The following TSHZ2 variants were observed in gnomAD, a reference collection of about 807,000 sequenced individuals.
TSHZ2 encodes the protein teashirt homolog 2.
In TSHZ2, 21 loss-of-function variants were observed where a neutral mutation model predicts 74.4. The ratio of observed to expected loss-of-function variants is 0.28; its 90% CI spans 0.20 to 0.41. TSHZ2 has a LOEUF of 0.41. Among genes scored for constraint, TSHZ2 ranks in the 10% least tolerant of loss-of-function variants. The probability of loss-of-function intolerance (pLI) is 1.00; values close to 1 mark genes in which losing one functional copy is unlikely to be tolerated. For missense variants in TSHZ2, 1,244 were observed against 1,293.5 expected, an observed-to-expected ratio of 0.96 and a Z score of 0.59; for synonymous variants, 540 against 515.3, an observed-to-expected ratio of 1.05 and a Z score of -0.65.
intron 1 of TSHZ2, among the ~76,000 whole-genome samples, chr20:52,981,337 T>C (rs1261847543): frequency 6.6e-6 from 1 of 152,200 alleles, no homozygotes; most frequent in Admixed American, 6.5e-5. Context: ...GTCTAATTCT[T>C]ATTCGGCCGC....
chr20:53,293,356 G>A (rs148869299), intron 2 of TSHZ2, among the ~76,000 whole-genome samples: 205 of 152,218 alleles, frequency 1.3e-3, no homozygotes, highest in African/African-American at 3.8e-3. Context: ...CCAGCCACTC[G>A]GGAGGCTGAG....
intron 2 of TSHZ2, among the ~76,000 whole-genome samples, chr20:53,471,650 A>G (rs538986565): frequency 6.9e-4 from 105 of 152,258 alleles, no homozygotes; most frequent in African/African-American, 2.3e-3. Flanking sequence ...AAGCAGAGGG[A>G]GCAGCACGTG....
intron 1 of TSHZ2, among the ~76,000 whole-genome samples, chr20:52,977,278 C>T (rs766629317): frequency 1.2e-4 from 19 of 152,120 alleles, no homozygotes; most frequent in Non-Finnish European, 2.2e-4. Flanking sequence ...GACTAGGAAT[C>T]GGGTAGATTT....
rs1986883291 is a variant in TSHZ2 at position 53,124,070 on chromosome 20, A to G, written c.41-129429A>G. Among the ~76,000 whole-genome samples the G allele has an allele frequency of 3.3e-5, 5 of 152,190 alleles. No individual in the cohort carries two copies. The South Asian group carries it at 1.0e-3, about 32-fold the overall frequency. On this transcript the variant is annotated intron_variant, in intron 1 of 2. Coordinates refer to ENST00000371497, the MANE Select transcript of TSHZ2 (RefSeq NM_173485.6). ...CTTAATTTTCTCTTTTCCTCTGTTG[A>G]CATAGCTTAGGGAAGACAACTCCCT... is the stretch of plus-strand genomic sequence containing the variant.
chr20:53,036,866 TC>T lies in TSHZ2; in HGVS notation c.40+63534del, dbSNP rs1470975002. Among the ~76,000 whole-genome samples, 12 of 150,272 alleles carry T rather than the reference TC, an allele frequency of 8.0e-5. No homozygotes were observed. In the East Asian group the frequency reaches 2.3e-3, roughly 29 times the overall value. On this transcript the variant is annotated intron_variant, in intron 1 of 2. Transcript: ENST00000371497. ...TATTATATATGTGTAGATAGACATC[TC>T]TTTAATGGAATCATATTGCTTATAT... is the stretch of plus-strand genomic sequence containing the variant.
At chr20:53,178,855 G>A (rs576390791) in intron 1 of TSHZ2, 17 of 152,292 alleles carry the variant, frequency 1.1e-4, no homozygotes, top group African/African-American at 4.1e-4. Context: ...GGATTTTCAA[G>A]CTATATCCTT....
chr20:53,374,379 T>C (rs1981585729), intron 2 of TSHZ2, among the ~76,000 whole-genome samples: 1 of 152,238 alleles, frequency 6.6e-6, no homozygotes, highest in Non-Finnish European at 1.5e-5. Flanking sequence ...ATTTTCTTCA[T>C]CTAGTCTACC....
chr20:53,372,195 G>GGCCGAGTGCAGTGGCTCAT (rs1378211611), intron 2 of TSHZ2, among the ~76,000 whole-genome samples: 1 of 152,172 alleles, frequency 6.6e-6, no homozygotes, highest in African/African-American at 2.4e-5. Flanking sequence ...ACTCAGTTCA[G>GGCCGAGTGCAGTGGCTCAT]GCCGAGTGCA....
chr20:52,987,635 G>C (rs113206730), intron 1 of TSHZ2, among the ~76,000 whole-genome samples: 1,754 of 151,992 alleles, frequency 0.012, 30 homozygotes, highest in African/African-American at 0.04. Context: ...GGCTTTTAGT[G>C]AACAGAAAAA....
chr20:52,978,735 G>A (rs189361364), intron 1 of TSHZ2, among the ~76,000 whole-genome samples: 3 of 152,140 alleles, frequency 2.0e-5, no homozygotes, highest in Admixed American at 2.0e-4. Flanking sequence ...GAAGCCTGGC[G>A]CACAAATAAT....
At chr20:53,393,629 A>G (rs561510647) in intron 2 of TSHZ2, among the ~76,000 whole-genome samples, 1 of 151,986 alleles carries the variant, frequency 6.6e-6, no homozygotes, top group African/African-American at 2.4e-5. Context: ...ACATAAATCT[A>G]TGCAAGGGAC....
chr20:53,422,541 C>T lies in TSHZ2; in HGVS notation c.*9-64603C>T, dbSNP rs564703676. ...TGAAAAAAATCTCAGAACCACCCCC[C>T]TCAGATGCAATTTCAAACATACACC... On this transcript the variant is annotated intron_variant, in intron 2 of 2. Coordinates refer to ENST00000371497, the MANE Select transcript of TSHZ2 (RefSeq NM_173485.6). Among the ~76,000 whole-genome samples, 7 of 152,282 alleles carry T rather than the reference C, an allele frequency of 4.6e-5. No homozygotes were observed. In the South Asian group the frequency reaches 1.2e-3, roughly 27 times the overall value.
At chr20:53,423,327 T>G (rs1220935495) in intron 2 of TSHZ2, among the ~76,000 whole-genome samples, 1 of 152,074 alleles carries the variant, frequency 6.6e-6, no homozygotes, top group African/African-American at 2.4e-5. Flanking sequence ...GAGGTTGTAG[T>G]GAGCTGAGAT....
intron 1 of TSHZ2, among the ~76,000 whole-genome samples, chr20:53,188,272 C>G (rs1988648376): frequency 6.6e-6 from 1 of 152,172 alleles, no homozygotes; most frequent in Non-Finnish European, 1.5e-5. Context: ...ATGCCTGTTC[C>G]CCCAGCTCTA....
intron 1 of TSHZ2, among the ~76,000 whole-genome samples, chr20:53,050,789 G>T (rs1984430972): frequency 6.6e-6 from 1 of 152,236 alleles, no homozygotes; most frequent in African/African-American, 2.4e-5. Context: ...GGTGTGCTGT[G>T]TGTAAACCTC....
chr20:52,984,594 G>A (rs1981684676), intron 1 of TSHZ2, among the ~76,000 whole-genome samples: 1 of 152,156 alleles, frequency 6.6e-6, no homozygotes, highest in Admixed American at 6.5e-5. Flanking sequence ...GGAGGGTAAA[G>A]ATAAGCAAGC....
chr20:53,376,759 C>G (rs938424258), intron 2 of TSHZ2, among the ~76,000 whole-genome samples: 1 of 152,246 alleles, frequency 6.6e-6, no homozygotes, highest in African/African-American at 2.4e-5. Flanking sequence ...TGCGACTAAT[C>G]TGGCTTCCTC....
At chr20:53,283,553 C>T (rs1991104827) in intron 2 of TSHZ2, among the ~76,000 whole-genome samples, 1 of 152,082 alleles carries the variant, frequency 6.6e-6, no homozygotes, top group South Asian at 2.1e-4. Context: ...TGCTGGGAAG[C>T]AGAGTTATAA....
intron 1 of TSHZ2, among the ~76,000 whole-genome samples, chr20:53,221,972 G>A (rs1240857053): frequency 2.0e-5 from 3 of 152,128 alleles, no homozygotes; most frequent in Admixed American, 6.5e-5. Flanking sequence ...GAAGTTAGGC[G>A]AAATAAGAAA....
Sources: gnomAD v4.1 joint callset for allele counts (sites outside exome capture counted in the v4.1 genomes callset) on GRCh38, gnomAD v4.1.1 for gene constraint, MANE v1.5 for transcripts, NCBI Gene and HGNC (gene_info 2026-07-23, HGNC 2026-07-21) for gene names.